Variants in TLE1 observed in about 807,000 individuals in gnomAD.
TLE1 encodes the protein TLE family member 1, transcriptional corepressor, also known as transducin-like enhancer protein 1.
TLE1 carries 21 observed loss-of-function variants against 89.8 expected under a neutral mutation model. The ratio of observed to expected loss-of-function variants is 0.23; its 90% CI spans 0.17 to 0.34. The LOEUF (loss-of-function observed/expected upper bound fraction) is 0.34, where lower values mean the gene tolerates loss of function less well. TLE1 is among the 10% of genes least tolerant of loss of function. The pLI is 1.00. For missense variants in TLE1, 795 were observed against 1,031.2 expected (o/e 0.77, Z 3.14); for synonymous variants, 447 against 407.6 (o/e 1.10, Z -1.16).
chr9:81,613,263 G>A, intron 12 of TLE1, 114 bp downstream of exon 12: 1 of 1,385,908 alleles, frequency 7.2e-7, no homozygotes, highest in South Asian at 1.5e-5. Context: ...GAAGGAGGGT[G>A]GCCCTACGTA....
chr9:81,646,928 T>C (rs1309454943), intron 6 of TLE1, among the ~76,000 whole-genome samples: 1 of 152,212 alleles, frequency 6.6e-6, no homozygotes, highest in Non-Finnish European at 1.5e-5. Flanking sequence ...GATTCCCATA[T>C]AAGCCCCATA....
At chr9:81,587,946 G>GTGTA (rs1564104547) in intron 16 of TLE1, 118 bp from the exon 17 acceptor site, 1 of 1,145,800 alleles carries the variant, frequency 8.7e-7, no homozygotes, top group Admixed American at 2.5e-5. Context: ...GTGTGTGTGT[G>GTGTA]ATCCCGCCAG....
At chr9:81,609,276 G>T (rs774238552) in intron 14 of TLE1, among the ~76,000 whole-genome samples, 12 of 152,102 alleles carry the variant, frequency 7.9e-5, no homozygotes, top group Non-Finnish European at 1.5e-4. Context: ...GTAGAGACGG[G>T]GTTTCGCCAC....
intron 4 of TLE1, among the ~76,000 whole-genome samples, chr9:81,679,932 A>T (rs1301358330): frequency 6.6e-6 from 1 of 152,222 alleles, no homozygotes; most frequent in Non-Finnish European, 1.5e-5. Flanking sequence ...TGAGCCAGTA[A>T]CTGAATATAT....
intron 6 of TLE1, among the ~76,000 whole-genome samples, chr9:81,649,428 G>T (rs1053804097): frequency 6.6e-6 from 1 of 152,068 alleles, no homozygotes; most frequent in African/African-American, 2.4e-5. Context: ...CTTTTTCCAG[G>T]TTTGATAAAG....
At chr9:81,587,953 C>T in intron 16 of TLE1, 125 bp from the exon 17 acceptor site, 1 of 586,546 alleles carries the variant, frequency 1.7e-6, no homozygotes, top group Non-Finnish European at 2.3e-6. Flanking sequence ...TGTGATCCCG[C>T]CAGTGTCTGC....
chr9:81,584,671 T>A, intron 18 of TLE1, 147 bp from the exon 19 acceptor site: 1 of 697,682 alleles, frequency 1.4e-6, no homozygotes, highest in Non-Finnish European at 2.4e-6. Flanking sequence ...ACAGAGGTTT[T>A]AATCTGGGCT....
chr9:81,604,498 A>G (rs1338750442), intron 14 of TLE1, among the ~76,000 whole-genome samples: 1 of 152,156 alleles, frequency 6.6e-6, no homozygotes, highest in African/African-American at 2.4e-5. Context: ...AGCGGGTAGG[A>G]AAGAGCCAGG....
At chr9:81,661,722 G>C (rs966408857) in intron 4 of TLE1, among the ~76,000 whole-genome samples, 1 of 152,028 alleles carries the variant, frequency 6.6e-6, no homozygotes, top group African/African-American at 2.4e-5. Flanking sequence ...CTTCTGACTA[G>C]AAGTTTCTGA....
intron 13 of TLE1, among the ~76,000 whole-genome samples, chr9:81,611,173 A>C (rs1823658812): frequency 6.6e-6 from 1 of 152,206 alleles, no homozygotes; most frequent in South Asian, 2.1e-4. Flanking sequence ...CTTCTTGTTC[A>C]AAAATTAGAT....
Position 81,585,607 on chromosome 9 carries a change from T to G in TLE1, c.2026A>C (p.Met676Leu). 1 of 1,614,114 alleles carries G rather than the reference T, an allele frequency of 6.2e-7. No individual in the cohort carries two copies. Among genetic ancestry groups the G allele is most frequent in the Non-Finnish European group, 8.5e-7 (1 of 1,180,028 alleles). Residue 676 changes from methionine (M) to leucine (L), a missense_variant, in exon 18 of 20, where the codon ATG becomes CTG. Transcript: ENST00000376499. Reference protein sequence around the residue: ...CPTGEWLAVGMESSNVEVLHV... With the variant: ...CPTGEWLAVGLESSNVEVLHV... ...AGCACCTCCACATTGCTGCTCTCCA[T>G]GCCCACTGCCAGCCACTCCCCGGTG...
rs1243779763 is a variant in TLE1 at position 81,610,310 on chromosome 9, T to C, written c.1255-14A>G. On this transcript the variant is annotated splice_polypyrimidine_tract_variant and intron_variant, in intron 13 of 19. Coordinates refer to ENST00000376499, the MANE Select transcript of TLE1 (RefSeq NM_005077.5). ...ATCAAACCCCACCTGGAAACAAAAA[T>C]AAGGCATTGCAGACTCAGTTTATTG... The C allele has an allele frequency of 3.7e-6, 6 of 1,609,416 alleles. No homozygotes were observed. Among genetic ancestry groups the C allele is most frequent in the Non-Finnish European group, 4.3e-6 (5 of 1,176,442 alleles).
chr9:81,688,439 G>C lies in TLE1; in HGVS notation c.-199C>G. 1 of 530,220 alleles carries C rather than the reference G, an allele frequency of 1.9e-6. No homozygotes were observed. The highest frequency in any genetic ancestry group is 3.2e-6 in the Non-Finnish European group (1 of 317,322). 32.8% of individuals were successfully genotyped at this position (530,220 alleles called of 1,614,324 possible). ...CCGGCTCCCGCTCCCGTCGGTGCGG[G>C]CTCCGGCCCTCAGGGCCACATTAGT... On this transcript the variant is annotated 5_prime_UTR_variant, in exon 1 of 20. Transcript: ENST00000376499.
intron 8 of TLE1, among the ~76,000 whole-genome samples, chr9:81,628,036 TA>T (rs1236609866): frequency 6.6e-6 from 1 of 152,116 alleles, no homozygotes; most frequent in African/African-American, 2.4e-5. Flanking sequence ...CTAGGCAACA[TA>T]CTGAGACTCT....
In TLE1 at chr9:81,634,321, G is replaced by A; in HGVS notation, c.373-20C>T. On this transcript the variant is annotated intron_variant, in intron 6 of 19. Transcript: ENST00000376499. ...CTGCTGCTGTTGGTGGTGGTGGTGA[G>A]AGAGAAAAAGGAGGAGGAGGAGGAG... 2.0e-6 allele frequency: 3 copies of A among 1,470,374 alleles called. No homozygotes were observed. The highest frequency in any genetic ancestry group is 2.5e-5 in the East Asian group (1 of 39,904). The allele number at this position is 1,470,374 out of a possible 1,614,324, so 91.1% of individuals were successfully genotyped here.
intron 14 of TLE1, among the ~76,000 whole-genome samples, chr9:81,600,622 A>G (rs572077938): frequency 1.6e-3 from 173 of 106,604 alleles, no homozygotes; most frequent in African/African-American, 6.8e-3. Context: ...TTAGCATTTA[A>G]TAGACCAAAA....
At chr9:81,590,603 G>T (rs1057111534) in intron 16 of TLE1, among the ~76,000 whole-genome samples, 14 of 152,168 alleles carry the variant, frequency 9.2e-5, no homozygotes, top group African/African-American at 3.1e-4. Flanking sequence ...AGAAAGTCTC[G>T]GGTGACACCA....
At position 81,587,907 on chromosome 9, in the gene TLE1, CGTGT is replaced by C. The variant is rs71496083; in HGVS notation, c.1830-83_1830-80del. Reference sequence around the variant, plus strand: ...CACTGTTGTGTTGTTAGTTTTGGACCGTGTGTGTGTGTGTGTGTGTGTGTGTGTG... The same window carrying C: ...CACTGTTGTGTTGTTAGTTTTGGACCGTGTGTGTGTGTGTGTGTGTGTGTG... On this transcript the variant is annotated intron_variant, in intron 16 of 19. Transcript: ENST00000376499. The C allele has an allele frequency of 1.2e-3, 890 of 753,462 alleles. 16 individuals carry two copies. In the African/African-American group the frequency reaches 0.013, roughly 11 times the overall value. The allele number at this position is 753,462 out of a possible 1,614,324, so 46.7% of individuals were successfully genotyped here. A position where few individuals can be genotyped will look rare whatever the true frequency, so the allele number is the denominator to read the frequency against.
chr9:81,639,660 G>A (rs1827864279), intron 6 of TLE1, among the ~76,000 whole-genome samples: 1 of 140,590 alleles, frequency 7.1e-6, no homozygotes, highest in South Asian at 2.3e-4. Context: ...TCGGCTCACT[G>A]CAACCTCCAC....
Sources: gnomAD v4.1 joint callset for allele counts (sites outside exome capture counted in the v4.1 genomes callset) on GRCh38, gnomAD v4.1.1 for gene constraint, MANE v1.5 for transcripts, NCBI Gene and HGNC (gene_info 2026-07-23, HGNC 2026-07-21) for gene names.